CNTN3: variants seen among roughly 807,000 people sequenced by gnomAD.
CNTN3 encodes the protein contactin-3.
CNTN3 carries 60 observed loss-of-function variants against 119.1 expected under a neutral mutation model. The ratio of observed to expected loss-of-function variants is 0.50; its 90% CI spans 0.41 to 0.62. The LOEUF is 0.62. Among genes scored for constraint, CNTN3 ranks in the 20% least tolerant of loss-of-function variants. The probability of loss-of-function intolerance (pLI) is 0.00; values close to 1 mark genes in which losing one functional copy is unlikely to be tolerated. For missense variants in CNTN3, 1,101 were observed against 1,242.4 expected (o/e 0.89, Z 1.71); for synonymous variants, 450 against 438.7 (o/e 1.03, Z -0.32).
At chr3:74,433,905 C>T (rs1048843305) in intron 4 of CNTN3, among the ~76,000 whole-genome samples, 2 of 152,140 alleles carry the variant, frequency 1.3e-5, no homozygotes, top group Non-Finnish European at 2.9e-5. Context: ...GGGGGCTCTG[C>T]CAGGATTAGA....
chr3:74,476,478 T>C (rs1443060185), intron 4 of CNTN3, among the ~76,000 whole-genome samples: 1 of 152,146 alleles, frequency 6.6e-6, no homozygotes, highest in African/African-American at 2.4e-5. Context: ...AAGAATCAAA[T>C]GTTTGTCCAG....
chr3:74,337,591 G>A (rs1462799224), intron 11 of CNTN3, among the ~76,000 whole-genome samples: 1 of 151,992 alleles, frequency 6.6e-6, no homozygotes, highest in African/African-American at 2.4e-5. Context: ...AGTGAAAGGG[G>A]TTCCCCTTAT....
At position 74,524,341 on chromosome 3, in the gene CNTN3, C is replaced by T. The variant is rs114345955; in HGVS notation, c.-80-3149G>A. ...AGATTGTCAGGAGACTGATAATCCC[C>T]GTACTCATAGAGTTTATCAACTATT... On this transcript the variant is annotated intron_variant, in intron 1 of 22. Coordinates refer to ENST00000263665, the MANE Select transcript of CNTN3 (RefSeq NM_020872.3). 4.4e-3 allele frequency among the ~76,000 whole-genome samples: 664 copies of T among 151,838 alleles called. 6 individuals are homozygous for T. Among genetic ancestry groups the T allele is most frequent in the African/African-American group, 0.015 (633 of 41,464 alleles).
At chr3:74,388,052 G>T (rs1489377891) in intron 5 of CNTN3, among the ~76,000 whole-genome samples, 1 of 152,134 alleles carries the variant, frequency 6.6e-6, no homozygotes. Context: ...AGCCCTCCCG[G>T]CTGATGGCTG....
chr3:74,517,106 C>T (rs1403987084), intron 2 of CNTN3, among the ~76,000 whole-genome samples: 2 of 151,862 alleles, frequency 1.3e-5, no homozygotes, highest in Non-Finnish European at 2.9e-5. Flanking sequence ...ACTTTCTTAA[C>T]CAAACTCAAA....
chr3:74,302,622 T>C, intron 14 of CNTN3, 68 bp downstream of exon 14: 1 of 923,790 alleles, frequency 1.1e-6, no homozygotes, highest in South Asian at 1.4e-5. Flanking sequence ...CTCATCATGG[T>C]TTTTCCTCCA....
chr3:74,454,651 G>A lies in CNTN3; in HGVS notation c.359-29711C>T, dbSNP rs1053302434. Among the ~76,000 whole-genome samples the A allele has an allele frequency of 1.1e-4, 17 of 152,050 alleles. No homozygotes were observed. In the East Asian group the frequency reaches 1.2e-3, roughly 10 times the overall value. ...GCATGATTTTGCAGCAGCTGGTACC[G>A]GTTGTTCCTTTCCATGTCTAGTGCT... On this transcript the variant is annotated intron_variant, in intron 4 of 22. Transcript: ENST00000263665.
At chr3:74,486,807 G>A (rs1702868037) in intron 3 of CNTN3, among the ~76,000 whole-genome samples, 176 bp from the exon 4 acceptor site, 2 of 152,238 alleles carry the variant, frequency 1.3e-5, no homozygotes, top group East Asian at 1.9e-4. Context: ...GAAACGAAAA[G>A]TTAAAGCACA....
chr3:74,319,877 C>T (rs1702940850), intron 13 of CNTN3, among the ~76,000 whole-genome samples: 1 of 151,450 alleles, frequency 6.6e-6, no homozygotes, highest in Non-Finnish European at 1.5e-5. Context: ...AGACACTTCT[C>T]AAAAGAAGAC....
chr3:74,267,407 A>G (rs752267160), intron 20 of CNTN3, 29 bp from the exon 21 acceptor site: 1 of 1,480,974 alleles, frequency 6.8e-7, no homozygotes. Flanking sequence ...AAATTTTAAA[A>G]CAGATCGAAG....
chr3:74,301,591 A>G (rs777877323), intron 15 of CNTN3, 44 bp from the exon 16 acceptor site: 3 of 1,612,240 alleles, frequency 1.9e-6, no homozygotes, highest in South Asian at 1.1e-5. Flanking sequence ...CTGCTTTAGC[A>G]TTGACTTGAA....
rs566283222 is a variant in CNTN3, at chr3:74,317,850, C to T, written c.1669-15043G>A. Among the ~76,000 whole-genome samples, 469 of 152,150 alleles carry T rather than the reference C, an allele frequency of 3.1e-3. 6 individuals are homozygous for T. Among genetic ancestry groups the T allele is most frequent in the African/African-American group, 0.011 (454 of 41,488 alleles). On this transcript the variant is annotated intron_variant, in intron 13 of 22. Transcript: ENST00000263665. ...CTCTTCTCGAGGAGTATCTTTGTGC[C>T]GTTCTCTGTATTTCCTGAATCTGAA...
intron 19 of CNTN3, among the ~76,000 whole-genome samples, chr3:74,286,913 A>G (rs1454017667): frequency 6.6e-6 from 1 of 152,100 alleles, no homozygotes; most frequent in African/African-American, 2.4e-5. Context: ...GCATTTCCTC[A>G]CCCAGCAGAC....
intron 5 of CNTN3, among the ~76,000 whole-genome samples, chr3:74,386,534 C>T (rs1431745288): frequency 6.6e-6 from 1 of 152,036 alleles, no homozygotes; most frequent in Non-Finnish European, 1.5e-5. Flanking sequence ...AAAGTGAGAC[C>T]CTGTCACAAA....
chr3:74,353,662 A>G (rs1475024116), intron 11 of CNTN3, among the ~76,000 whole-genome samples: 3 of 152,090 alleles, frequency 2.0e-5, no homozygotes, highest in African/African-American at 7.3e-5. Context: ...AGGCCGAGGC[A>G]GGAGAATGGC....
At chr3:74,515,217 T>C (rs1703431134) in intron 2 of CNTN3, among the ~76,000 whole-genome samples, 1 of 151,850 alleles carries the variant, frequency 6.6e-6, no homozygotes, top group Non-Finnish European at 1.5e-5. Flanking sequence ...AAACAGAACA[T>C]AGAAAGTATG....
intron 4 of CNTN3, among the ~76,000 whole-genome samples, chr3:74,455,768 C>G (rs998844292): frequency 6.6e-6 from 1 of 152,008 alleles, no homozygotes; most frequent in Admixed American, 6.6e-5. Context: ...GAGGTCCACT[C>G]CAGACCCTGT....
chr3:74,335,781 G>A (rs1013545066), intron 12 of CNTN3, among the ~76,000 whole-genome samples: 4 of 152,020 alleles, frequency 2.6e-5, no homozygotes, highest in Middle Eastern at 3.2e-3. Context: ...TCCTCAGGAG[G>A]TCTACAAACT....
intron 1 of CNTN3, among the ~76,000 whole-genome samples, chr3:74,524,973 A>G (rs1271301975): frequency 6.6e-6 from 1 of 151,826 alleles, no homozygotes; most frequent in Non-Finnish European, 1.5e-5. Flanking sequence ...ATGAAATGAG[A>G]CTGCAGATGT....
Sources: gnomAD v4.1 joint callset for allele counts (sites outside exome capture counted in the v4.1 genomes callset) on GRCh38, gnomAD v4.1.1 for gene constraint, MANE v1.5 for transcripts, NCBI Gene and HGNC (gene_info 2026-07-23, HGNC 2026-07-21) for gene names.